The following ACAP2 variants were observed in gnomAD, a reference collection of about 807,000 sequenced individuals.
ACAP2 encodes ArfGAP with coiled-coil, ankyrin repeat and PH domains 2.
In ACAP2, 39 loss-of-function variants were observed where a neutral mutation model predicts 115.8. That is an observed-to-expected ratio of 0.34 (90% confidence interval 0.26 to 0.44). The LOEUF is 0.44. ACAP2 is among the 20% of genes least tolerant of loss of function. ACAP2 has a pLI of 1.00. For missense variants in ACAP2, 662 were observed against 927.6 expected (o/e 0.71, Z 3.72); for synonymous variants, 289 against 315.8 (o/e 0.92, Z 0.90).
At chr3:195,368,044 T>C (rs1262123088) in intron 4 of ACAP2, among the ~76,000 whole-genome samples, 2 of 152,236 alleles carry the variant, frequency 1.3e-5, no homozygotes, top group South Asian at 2.1e-4. Flanking sequence ...TAAGTTTTTA[T>C]AGTGATTTTT....
chr3:195,398,324 A>C (rs1274698295), intron 1 of ACAP2, among the ~76,000 whole-genome samples: 1 of 152,174 alleles, frequency 6.6e-6, no homozygotes, highest in East Asian at 1.9e-4. Context: ...AAGCAACTGT[A>C]TATTTGTTAC....
intron 1 of ACAP2, among the ~76,000 whole-genome samples, chr3:195,438,259 C>T (rs1317338852): frequency 6.6e-6 from 1 of 151,716 alleles, no homozygotes; most frequent in Non-Finnish European, 1.5e-5. Context: ...AACTCCTGAC[C>T]TCAACTGATC....
rs781665213 is a variant in ACAP2, at chr3:195,301,985, C to G, written c.1306G>C (p.Glu436Gln). ...ACCCACCGGTGAATTCCGGAGCACT[C>G]GATACACAAGGTGATGCCCAGGTTG... The part of the protein sequence containing the change: ...SINLGITLCI[E>Q]CSGIHRSLGV... The change falls in exon 14 of 23, where the codon GAG (glutamate) becomes CAG (glutamine). Residue 436 changes from glutamate (E) to glutamine (Q), a missense_variant. Transcript: ENST00000326793. 7 of 1,613,470 alleles carry G rather than the reference C, an allele frequency of 4.3e-6. No homozygotes were observed. The South Asian group carries it at 6.6e-5, about 15-fold the overall frequency.
chr3:195,424,261 G>GTGTATATATATATATATATATATA (rs1456909404), intron 1 of ACAP2, among the ~76,000 whole-genome samples: 1 of 54,656 alleles, frequency 1.8e-5, no homozygotes, highest in Admixed American at 2.8e-4. Context: ...GTGTGTGTGT[G>GTGTATATATATATATATATATATA]TATATATATA....
At chr3:195,373,288 A>G (rs1476576375) in intron 4 of ACAP2, among the ~76,000 whole-genome samples, 1 of 152,106 alleles carries the variant, frequency 6.6e-6, no homozygotes, top group Non-Finnish European at 1.5e-5. Flanking sequence ...TATTTTACAG[A>G]GGATCTTTCA....
intron 1 of ACAP2, among the ~76,000 whole-genome samples, chr3:195,429,901 A>G (rs1714978260): frequency 6.6e-6 from 1 of 152,346 alleles, no homozygotes; most frequent in Non-Finnish European, 1.5e-5. Context: ...GAGAGTAAGT[A>G]TAACAGAAAC....
At chr3:195,344,609 C>T (rs909323212) in intron 5 of ACAP2, among the ~76,000 whole-genome samples, 3 of 152,116 alleles carry the variant, frequency 2.0e-5, no homozygotes, top group African/African-American at 4.8e-5. Flanking sequence ...CAACCTCCAC[C>T]TCCCAGGTTC....
At chr3:195,343,151 T>G (rs1730984533) in intron 5 of ACAP2, among the ~76,000 whole-genome samples, 1 of 152,228 alleles carries the variant, frequency 6.6e-6, no homozygotes, top group African/African-American at 2.4e-5. Flanking sequence ...AGCTAAAATT[T>G]CATTATTTAA....
At position 195,291,732 on chromosome 3, in the gene ACAP2, G is replaced by A. The variant is rs767420965; in HGVS notation, c.2037C>T (p.His679=). The A allele has an allele frequency of 6.2e-7, 1 of 1,613,968 alleles. No individual in the cohort carries two copies. The highest frequency in any genetic ancestry group is 8.5e-7 in the Non-Finnish European group (1 of 1,179,968). The change falls in exon 20 of 23, where the codon CAC becomes CAT. Residue 679 remains histidine (H), a synonymous_variant. Coordinates refer to ENST00000326793, the MANE Select transcript of ACAP2 (RefSeq NM_012287.6). ...CTGTGTGCCCTAAGACGGTGGCATG[G>A]TGCAATGGTCCCCGCCCTTGGACAT... ...QRDVQGRGPL[H]HATVLGHTGQ...
At chr3:195,378,085 AG>A (rs113529078) in intron 4 of ACAP2, among the ~76,000 whole-genome samples, 2 of 137,524 alleles carry the variant, frequency 1.5e-5, no homozygotes, top group African/African-American at 6.1e-5. Context: ...GAAGGGAGGA[AG>A]GGAGGAGGAG....
At chr3:195,372,751 C>T (rs1733242161) in intron 4 of ACAP2, among the ~76,000 whole-genome samples, 1 of 152,118 alleles carries the variant, frequency 6.6e-6, no homozygotes, top group African/African-American at 2.4e-5. Context: ...GAGATAGAGG[C>T]TGCAGTGAGC....
chr3:195,406,175 A>G (rs1370074941), intron 1 of ACAP2, among the ~76,000 whole-genome samples: 3 of 152,194 alleles, frequency 2.0e-5, no homozygotes, highest in African/African-American at 4.8e-5. Context: ...ATCTAGCTAC[A>G]TTAACCTTAA....
chr3:195,293,071 C>A (rs145262509), intron 18 of ACAP2, among the ~76,000 whole-genome samples: 181 of 152,218 alleles, frequency 1.2e-3, no homozygotes, highest in African/African-American at 4.2e-3. Context: ...CAACATTCAA[C>A]CTTCTTCTTC....
intron 13 of ACAP2, 98 bp from the exon 14 acceptor site, chr3:195,302,272 T>C (rs1400301791): frequency 7.2e-6 from 8 of 1,117,854 alleles, no homozygotes; most frequent in Non-Finnish European, 1.0e-5. Context: ...AATCAATAAA[T>C]TAAAGGCCTG....
chr3:195,390,127 C>T (rs1034923452), intron 2 of ACAP2, among the ~76,000 whole-genome samples: 3 of 151,856 alleles, frequency 2.0e-5, no homozygotes, highest in Non-Finnish European at 4.4e-5. Context: ...ACCTGGGAGG[C>T]GGAGGTTGCA....
chr3:195,368,150 T>C (rs1732857850), intron 4 of ACAP2, among the ~76,000 whole-genome samples: 1 of 152,212 alleles, frequency 6.6e-6, no homozygotes, highest in Non-Finnish European at 1.5e-5. Context: ...CTCTGGTTTT[T>C]TGTTTGTTTC....
intron 1 of ACAP2, among the ~76,000 whole-genome samples, chr3:195,420,138 AGTT>A: frequency 6.6e-6 from 1 of 152,172 alleles, no homozygotes; most frequent in East Asian, 1.9e-4. Context: ...CAAGTTTTAT[AGTT>A]GTTTTATAAA....
intron 18 of ACAP2, 125 bp from the exon 19 acceptor site, chr3:195,292,577 A>C: frequency 1.2e-6 from 1 of 854,878 alleles, no homozygotes; most frequent in South Asian, 1.8e-5. Context: ...GGCAGTAAAG[A>C]TAGCACACTA....
At chr3:195,292,676 C>G (rs1264544310) in intron 18 of ACAP2, among the ~76,000 whole-genome samples, 2 of 152,042 alleles carry the variant, frequency 1.3e-5, no homozygotes, top group African/African-American at 4.8e-5. Context: ...AATCCCAGCA[C>G]TTTGGGAGGC....
Sources: allele counts gnomAD v4.1 joint callset (sites outside exome capture counted in the v4.1 genomes callset), GRCh38; gene constraint gnomAD v4.1.1; transcripts MANE v1.5; gene names NCBI Gene and HGNC (gene_info 2026-07-23, HGNC 2026-07-21).